The following VPS13B variants were observed in gnomAD, a reference collection of about 807,000 sequenced individuals.
VPS13B encodes vacuolar protein sorting 13 homolog B, also known as intermembrane lipid transfer protein VPS13B.
Under a neutral mutation model 426.4 loss-of-function variants are expected in VPS13B, and 285 were observed. That is an observed-to-expected ratio of 0.67 (90% confidence interval 0.61 to 0.74). VPS13B has a LOEUF of 0.74. Among genes scored for constraint, VPS13B ranks in the 30% least tolerant of loss-of-function variants. The pLI, the probability that VPS13B is intolerant of heterozygous loss-of-function variation, is 0.00. For missense variants in VPS13B, 4,537 were observed against 4,782.6 expected (o/e 0.95, Z 1.51); for synonymous variants, 1,676 against 1,676.4 (o/e 1.00, Z 0.01).
At chr8:99,076,962 G>A (rs932438230) in intron 3 of VPS13B, among the ~76,000 whole-genome samples, 7 of 151,862 alleles carry the variant, frequency 4.6e-5, no homozygotes, top group Admixed American at 6.6e-5. Flanking sequence ...TTGTGGTTTC[G>A]TGTTTTTCTG....
chr8:99,516,934 G>C (rs1288072977), intron 29 of VPS13B, among the ~76,000 whole-genome samples: 1 of 151,744 alleles, frequency 6.6e-6, no homozygotes, highest in Non-Finnish European at 1.5e-5. Context: ...TTGTCACAGA[G>C]TAAGTAATCT....
At chr8:99,492,892 C>T (rs1056343190) in intron 25 of VPS13B, among the ~76,000 whole-genome samples, 11 of 152,190 alleles carry the variant, frequency 7.2e-5, no homozygotes, top group Admixed American at 5.9e-4. Flanking sequence ...CAACCAGTCC[C>T]AATGAGAAGA....
At chr8:99,200,626 C>T (rs1814258063) in intron 17 of VPS13B, among the ~76,000 whole-genome samples, 1 of 151,916 alleles carries the variant, frequency 6.6e-6, no homozygotes, top group East Asian at 1.9e-4. Context: ...TTATGATTTT[C>T]ATTTTCATTT....
At chr8:99,763,555 C>T (rs1811056380) in intron 39 of VPS13B, among the ~76,000 whole-genome samples, 1 of 151,996 alleles carries the variant, frequency 6.6e-6, no homozygotes, top group African/African-American at 2.4e-5. Context: ...TATTTGTGTT[C>T]AGAAAAGAGA....
chr8:99,343,123 C>T (rs1461203928), intron 19 of VPS13B, among the ~76,000 whole-genome samples: 3 of 148,638 alleles, frequency 2.0e-5, no homozygotes, highest in Non-Finnish European at 4.4e-5. Context: ...AGACGGGAGT[C>T]TCGCTCTGTC....
intron 23 of VPS13B, among the ~76,000 whole-genome samples, chr8:99,465,056 A>G (rs1488721075): frequency 6.6e-6 from 1 of 152,168 alleles, no homozygotes; most frequent in Non-Finnish European, 1.5e-5. Context: ...ACAACTTTCC[A>G]AGTAAAATAA....
intron 8 of VPS13B, among the ~76,000 whole-genome samples, chr8:99,133,190 G>A (rs939636728): frequency 5.9e-5 from 9 of 152,176 alleles, no homozygotes; most frequent in African/African-American, 9.7e-5. Flanking sequence ...GGGTAACTGC[G>A]TGCAGCTTCT....
chr8:99,287,146 G>T (rs1206090994), intron 19 of VPS13B, among the ~76,000 whole-genome samples: 2 of 152,016 alleles, frequency 1.3e-5, no homozygotes, highest in Admixed American at 1.3e-4. Context: ...TACTTTTTCT[G>T]TATGGCAGAT....
chr8:99,752,389 T>C (rs945766676), intron 39 of VPS13B, among the ~76,000 whole-genome samples: 1 of 152,194 alleles, frequency 6.6e-6, no homozygotes, highest in East Asian at 1.9e-4. Flanking sequence ...GGGCCAAATC[T>C]AGCCCACCAC....
chr8:99,057,215 C>T (rs1248171960), intron 3 of VPS13B, among the ~76,000 whole-genome samples: 1 of 151,720 alleles, frequency 6.6e-6, no homozygotes, highest in African/African-American at 2.4e-5. Flanking sequence ...AGTCTGTATG[C>T]CTTTCTACCC....
intron 7 of VPS13B, among the ~76,000 whole-genome samples, chr8:99,116,287 C>T (rs1305081738): frequency 6.6e-6 from 1 of 151,492 alleles, no homozygotes; most frequent in Non-Finnish European, 1.5e-5. Flanking sequence ...CCGCCTCAGC[C>T]TCCCAAAGTG....
At chr8:99,672,802 G>A (rs958844206) in intron 35 of VPS13B, among the ~76,000 whole-genome samples, 23 of 151,994 alleles carry the variant, frequency 1.5e-4, no homozygotes, top group African/African-American at 5.3e-4. Flanking sequence ...CCTTTATTGT[G>A]TTGTGGTATG....
intron 35 of VPS13B, chr8:99,697,892 A>T: frequency 2.0e-6 from 1 of 494,604 alleles, no homozygotes. Context: ...CATCAATGTG[A>T]TTGAGTTGGT....
chr8:99,179,830 A>T (rs1225691218), intron 16 of VPS13B, among the ~76,000 whole-genome samples: 1 of 149,118 alleles, frequency 6.7e-6, no homozygotes, highest in Non-Finnish European at 1.5e-5. Context: ...AACAATTTCA[A>T]TTTTTTTTTT....
intron 17 of VPS13B, among the ~76,000 whole-genome samples, chr8:99,237,719 A>T (rs1432426941): frequency 6.6e-6 from 1 of 152,052 alleles, no homozygotes; most frequent in Non-Finnish European, 1.5e-5. Context: ...AGTTCCCCAA[A>T]ATTAGAGAAA....
rs370661661 is a variant in VPS13B, at chr8:99,688,765, A to G, written c.6047-10760A>G. ...GCAGATTGATTAATAGAAAAGCCAT[A>G]CAAATGTATGTAATGTATATACATG... On this transcript the variant is annotated intron_variant, in intron 35 of 61. Coordinates refer to ENST00000357162, the MANE Select transcript of VPS13B (RefSeq NM_152564.5). Among the ~76,000 whole-genome samples, 18 of 152,218 alleles carry G rather than the reference A, an allele frequency of 1.2e-4. 2 individuals are homozygous for G. Among genetic ancestry groups the G allele is most frequent in the African/African-American group, 4.3e-4 (18 of 41,442 alleles).
At chr8:99,734,536 G>A (rs1280957464) in intron 39 of VPS13B, among the ~76,000 whole-genome samples, 2 of 152,166 alleles carry the variant, frequency 1.3e-5, no homozygotes, top group Non-Finnish European at 2.9e-5. Flanking sequence ...AGATGGGTGT[G>A]AAAAGTAGAC....
intron 15 of VPS13B, among the ~76,000 whole-genome samples, chr8:99,168,647 C>T (rs1267267035): frequency 2.0e-5 from 3 of 151,924 alleles, no homozygotes; most frequent in Non-Finnish European, 2.9e-5. Flanking sequence ...TACATTATTG[C>T]TCAGAACAGG....
At chr8:99,765,775 T>C (rs1239139514) in intron 39 of VPS13B, among the ~76,000 whole-genome samples, 1 of 152,234 alleles carries the variant, frequency 6.6e-6, no homozygotes, top group African/African-American at 2.4e-5. Flanking sequence ...TTCCTTCACC[T>C]GTCATCAAAT....
Sources: allele counts gnomAD v4.1 joint callset (sites outside exome capture counted in the v4.1 genomes callset), GRCh38; gene constraint gnomAD v4.1.1; transcripts MANE v1.5; gene names NCBI Gene and HGNC (gene_info 2026-07-23, HGNC 2026-07-21).